The following ZNF365 variants were observed in gnomAD, a reference collection of about 807,000 sequenced individuals.
The protein encoded by ZNF365 is zinc finger protein 365.
ZNF365 carries 22 observed loss-of-function variants against 35.0 expected under a neutral mutation model. The ratio of observed to expected loss-of-function variants is 0.63; its 90% confidence interval spans 0.45 to 0.90. The LOEUF (loss-of-function observed/expected upper bound fraction) is 0.90. ZNF365 is among the 40% of genes least tolerant of loss of function. The pLI is 0.00. For missense variants in ZNF365, 448 were observed against 500.3 expected (o/e 0.90, Z 1.00); for synonymous variants, 188 against 196.2 (o/e 0.96, Z 0.35).
chr10:62,418,050 G>A (rs1448048456), intron 3 of ZNF365, among the ~76,000 whole-genome samples: 2 of 151,794 alleles, frequency 1.3e-5, no homozygotes, highest in Non-Finnish European at 2.9e-5. Context: ...CAATTTAAAT[G>A]TAGAAAAATT....
intron 3 of ZNF365, among the ~76,000 whole-genome samples, chr10:62,416,186 A>G (rs1400827256): frequency 2.2e-5 from 3 of 134,712 alleles, no homozygotes; most frequent in Admixed American, 7.9e-5. Flanking sequence ...CTCCCTCAGC[A>G]CAGGTCCTTA....
rs373225834 is a variant in ZNF365 at position 62,412,796 on chromosome 10, C to T, written c.924+24220C>T. ...GGACACAAACAAATGGAAAAACATT[C>T]CATGCTCATGGATAGGAAGAATCAA... On this transcript the variant is annotated intron_variant, in intron 3 of 4. Coordinates refer to the ZNF365 transcript ENST00000395255. 3.4e-4 allele frequency among the ~76,000 whole-genome samples: 51 copies of T among 152,238 alleles called. 1 individual carries two copies. Among genetic ancestry groups the T allele is most frequent in the African/African-American group, 1.2e-3 (51 of 41,518 alleles).
exon 5 of ZNF365, chr10:62,480,283 T>C (rs988771108): frequency 4.0e-6 from 4 of 992,022 alleles, no homozygotes; most frequent in African/African-American, 3.5e-5. Context: ...AGTTATTGAG[T>C]AATTTATTTA....
chr10:62,434,052 C>T (rs1302433363), intron 3 of ZNF365, among the ~76,000 whole-genome samples: 1 of 152,218 alleles, frequency 6.6e-6, no homozygotes, highest in East Asian at 1.9e-4. Flanking sequence ...CCTGCTTGAA[C>T]ATAAGGATCA....
intron 3 of ZNF365, among the ~76,000 whole-genome samples, chr10:62,412,933 T>C (rs1840009106): frequency 6.6e-6 from 1 of 152,142 alleles, no homozygotes; most frequent in African/African-American, 2.4e-5. Flanking sequence ...ATGAAGGCAG[T>C]TCATAGCTGA....
rs991370946 is a variant in ZNF365, at chr10:62,377,049, G to A, written c.743+113G>A. On this transcript the variant is annotated intron_variant, in intron 2 of 4. Transcript: ENST00000395254. Reference sequence around the variant, plus strand: ...TTTGCTATTTGCAGGTGCCTTGACTGCATTTCTTATTGATATAGTTGAACC... The same window carrying A: ...TTTGCTATTTGCAGGTGCCTTGACTACATTTCTTATTGATATAGTTGAACC... 7 of 1,357,142 alleles carry A rather than the reference G, an allele frequency of 5.2e-6. No individual in the cohort carries two copies. The East Asian group carries it at 1.2e-4, about 23-fold the overall frequency. The allele number at this position is 1,357,142 out of a possible 1,614,324, so 84.1% of individuals were successfully genotyped here. A position where few individuals can be genotyped will look rare whatever the true frequency, so the allele number is the denominator to read the frequency against.
chr10:62,405,466 A>G (rs377293172), downstream of ZNF365, among the ~76,000 whole-genome samples: 5 of 152,328 alleles, frequency 3.3e-5, no homozygotes, highest in East Asian at 5.8e-4. Context: ...TCTACATCTC[A>G]GCCAATGCTC....
At chr10:62,403,917 C>A (rs138403660), downstream of ZNF365, among the ~76,000 whole-genome samples, 1 of 152,162 alleles carries the variant, frequency 6.6e-6, no homozygotes, top group South Asian at 2.1e-4. Flanking sequence ...CAAAAAGAAG[C>A]CCCGGAGCAA....
Position 62,376,420 on chromosome 10 carries a change from C to T in ZNF365, c.227C>T (p.Ser76Phe). 6.2e-7 allele frequency: 1 copy of T among 1,614,214 alleles called. No individual in the cohort carries two copies. The highest frequency in any genetic ancestry group is 8.5e-7 in the Non-Finnish European group (1 of 1,180,048). The change falls in exon 2 of 5, where the codon TCC becomes TTC. Residue 76 changes from serine (S) to phenylalanine (F), a missense_variant. Coordinates refer to ENST00000395254, the MANE Select transcript of ZNF365 (RefSeq NM_014951.3). ...CTCAAAGACACAGACCTAGTCACTT[C>T]CTCAGAACTCCTGAAACCGGGAAAA... ...PSLKDTDLVTSSELLKPGKLQ... is the reference protein window; with the variant it reads ...PSLKDTDLVTFSELLKPGKLQ...
At chr10:62,465,540 C>T (rs12782013) in intron 4 of ZNF365, among the ~76,000 whole-genome samples, 37,526 of 151,924 alleles carry the variant, frequency 0.25, 5,449 homozygotes, top group South Asian at 0.35. Context: ...TTTTTCAGGC[C>T]CACCCATGGC....
At chr10:62,394,949 G>A (rs775723765) in intron 3 of ZNF365, among the ~76,000 whole-genome samples, 1 of 152,096 alleles carries the variant, frequency 6.6e-6, no homozygotes, top group Non-Finnish European at 1.5e-5. Flanking sequence ...AGTGAGATCC[G>A]GGCTGGGGAT....
chr10:62,430,029 G>A (rs1162859443), intron 3 of ZNF365, among the ~76,000 whole-genome samples: 1 of 152,094 alleles, frequency 6.6e-6, no homozygotes, highest in African/African-American at 2.4e-5. Flanking sequence ...TAGTAACATT[G>A]TACTGGTCTA....
At chr10:62,377,068 T>C in intron 2 of ZNF365, 132 bp downstream of exon 2, 2 of 1,226,026 alleles carry the variant, frequency 1.6e-6, no homozygotes, top group Non-Finnish European at 2.2e-6. Flanking sequence ...ATTGATATAG[T>C]TGAACCAGGA....
At chr10:62,432,026 G>C (rs931214702) in intron 3 of ZNF365, among the ~76,000 whole-genome samples, 1 of 152,130 alleles carries the variant, frequency 6.6e-6, no homozygotes, top group African/African-American at 2.4e-5. Context: ...CACTTTTTGG[G>C]ATCCCAGCTT....
chr10:62,380,964 T>C (rs1453045342), intron 2 of ZNF365, among the ~76,000 whole-genome samples: 2 of 152,198 alleles, frequency 1.3e-5, no homozygotes, highest in African/African-American at 4.8e-5. Flanking sequence ...ACATCTGTAA[T>C]GTGCCCAGTG....
At chr10:62,397,964 A>T (rs1422035006) in intron 3 of ZNF365, among the ~76,000 whole-genome samples, 2 of 152,230 alleles carry the variant, frequency 1.3e-5, no homozygotes, top group African/African-American at 4.8e-5. Context: ...TTTAGTGGTG[A>T]TTTCTTAGAT....
chr10:62,394,226 G>T (rs549810290), intron 3 of ZNF365, among the ~76,000 whole-genome samples: 1 of 152,318 alleles, frequency 6.6e-6, no homozygotes, highest in African/African-American at 2.4e-5. Context: ...TCCCTGGAGG[G>T]TCATGTTGGC....
intron 4 of ZNF365, among the ~76,000 whole-genome samples, chr10:62,463,499 G>C (rs1049166339): frequency 2.0e-5 from 3 of 152,192 alleles, no homozygotes; most frequent in African/African-American, 7.2e-5. Context: ...CTCAGAAAAA[G>C]AGCCGGGACA....
At chr10:62,420,144 T>C (rs1840143250) in intron 3 of ZNF365, among the ~76,000 whole-genome samples, 1 of 152,208 alleles carries the variant, frequency 6.6e-6, no homozygotes, top group South Asian at 2.1e-4. Flanking sequence ...TACTTTTATA[T>C]ACATTATTGC....
Sources: allele counts gnomAD v4.1 joint callset (sites outside exome capture counted in the v4.1 genomes callset), GRCh38; gene constraint gnomAD v4.1.1; transcripts MANE v1.5; gene names NCBI Gene and HGNC (gene_info 2026-07-23, HGNC 2026-07-21).